Variants in CADM1 observed in about 807,000 individuals in gnomAD.
The protein encoded by CADM1 is TSLC-1.
In CADM1, 15 loss-of-function variants were observed where a neutral mutation model predicts 53.1. The ratio of observed to expected loss-of-function variants is 0.28; its 90% CI spans 0.19 to 0.44. CADM1 has a LOEUF of 0.44. CADM1 is among the 20% of genes least tolerant of loss of function. The probability of loss-of-function intolerance (pLI) is 1.00; values close to 1 mark genes in which losing one functional copy is unlikely to be tolerated. For synonymous variants in CADM1, 281 were observed against 243.0 expected, an observed-to-expected ratio of 1.16 and a Z score of -1.45; for missense variants, 434 against 611.3, an observed-to-expected ratio of 0.71 and a Z score of 3.06.
intron 1 of CADM1, among the ~76,000 whole-genome samples, chr11:115,249,476 T>C (rs1337196355): frequency 1.3e-5 from 2 of 152,270 alleles, no homozygotes; most frequent in African/African-American, 2.4e-5. Flanking sequence ...AAGTCTGGGA[T>C]AATAGGAAGC....
intron 1 of CADM1, among the ~76,000 whole-genome samples, chr11:115,250,809 G>A (rs1188580295): frequency 2.0e-5 from 3 of 152,106 alleles, no homozygotes; most frequent in Non-Finnish European, 4.4e-5. Context: ...CACAGACAAG[G>A]AAGCTAAGAT....
In CADM1 at chr11:115,359,564, A is replaced by G. The variant is rs566000900; in HGVS notation, c.125-119144T>C. ...TCCCACCGTGATTACAGTGACTCCTACATTTTTAATTGGTCATTCAACAAA... is the reference window on the plus strand; with the variant it reads ...TCCCACCGTGATTACAGTGACTCCTGCATTTTTAATTGGTCATTCAACAAA... On this transcript the variant is annotated intron_variant, in intron 1 of 11. Transcript: ENST00000331581. Among the ~76,000 whole-genome samples, 409 of 152,270 alleles carry G rather than the reference A, an allele frequency of 2.7e-3. 2 individuals are homozygous for G. The highest frequency in any genetic ancestry group is 9.5e-3 in the African/African-American group (396 of 41,550).
intron 1 of CADM1, among the ~76,000 whole-genome samples, chr11:115,337,057 TTAA>T (rs950467716): frequency 1.3e-5 from 2 of 152,182 alleles, no homozygotes; most frequent in Admixed American, 1.3e-4. Flanking sequence ...AATTAATTAA[TTAA>T]TGTTTCCACT....
intron 1 of CADM1, among the ~76,000 whole-genome samples, chr11:115,438,713 G>A (rs939442053): frequency 1.4e-5 from 2 of 147,962 alleles, no homozygotes; most frequent in Non-Finnish European, 3.0e-5. Flanking sequence ...ACATAATATG[G>A]TTTGATCAAA....
rs566974068 is a variant in CADM1 at position 115,499,079 on chromosome 11, C to T, written c.124+5192G>A. 3.3e-5 allele frequency among the ~76,000 whole-genome samples: 5 copies of T among 151,920 alleles called. No homozygotes were observed. The South Asian group carries it at 8.3e-4, about 25-fold the overall frequency. ...CAATGTAAAAAAAAAAGTCATCCTT[C>T]GAAAATAAAACTTTTTTTTCTTTAA... On this transcript the variant is annotated intron_variant, in intron 1 of 11. Transcript: ENST00000331581.
chr11:115,447,370 T>A (rs979965566), intron 1 of CADM1, among the ~76,000 whole-genome samples: 1 of 152,134 alleles, frequency 6.6e-6, no homozygotes, highest in African/African-American at 2.4e-5. Flanking sequence ...GGATATATAA[T>A]CCCATTTCAC....
chr11:115,343,406 C>T (rs1945498311), intron 1 of CADM1, among the ~76,000 whole-genome samples: 1 of 152,016 alleles, frequency 6.6e-6, no homozygotes, highest in Admixed American at 6.6e-5. Flanking sequence ...AATAAGAGAA[C>T]TGGAACACAA....
At chr11:115,320,640 C>T (rs1944799011) in intron 1 of CADM1, among the ~76,000 whole-genome samples, 1 of 151,674 alleles carries the variant, frequency 6.6e-6, no homozygotes, top group African/African-American at 2.4e-5. Flanking sequence ...TTTAGACCTA[C>T]AGTTTTATCT....
At chr11:115,248,421 T>C (rs1298926960) in intron 1 of CADM1, among the ~76,000 whole-genome samples, 1 of 152,206 alleles carries the variant, frequency 6.6e-6, no homozygotes, top group African/African-American at 2.4e-5. Flanking sequence ...GTCTGAGCTA[T>C]CTGATCCCAT....
rs970972842 is a variant in CADM1, at chr11:115,198,282, A to G, written c.1111+124T>C. The G allele has an allele frequency of 9.6e-5, 68 of 706,108 alleles. 1 individual carries two copies. The East Asian group carries it at 1.8e-3, about 19-fold the overall frequency. The allele number at this position is 706,108 out of a possible 1,614,324, so 43.7% of individuals were successfully genotyped here. A position where few individuals can be genotyped will look rare whatever the true frequency, so the allele number is the denominator to read the frequency against. On this transcript the variant is annotated intron_variant, in intron 9 of 11. Coordinates refer to ENST00000331581, the MANE Select transcript of CADM1 (RefSeq NM_001301043.2). ...TTTTCAAACCTTAAAAAATTATAGT[A>G]TATTTATGAGGTCAGTCTACTTGAA...
intron 1 of CADM1, among the ~76,000 whole-genome samples, chr11:115,456,452 C>A (rs998364057): frequency 1.3e-5 from 2 of 151,938 alleles, no homozygotes; most frequent in Non-Finnish European, 2.9e-5. Flanking sequence ...GGCTAAAGTA[C>A]AACCTCAATT....
chr11:115,336,474 A>G (rs1410934015), intron 1 of CADM1, among the ~76,000 whole-genome samples: 1 of 152,178 alleles, frequency 6.6e-6, no homozygotes, highest in Non-Finnish European at 1.5e-5. Context: ...ATTTGCAGAA[A>G]AAGAACAAGT....
intron 1 of CADM1, among the ~76,000 whole-genome samples, chr11:115,378,366 TTGAACACCTGA>T (rs1308009298): frequency 6.6e-6 from 1 of 151,910 alleles, no homozygotes; most frequent in Non-Finnish European, 1.5e-5. Context: ...TCATTGGAGG[TTGAACACCTGA>T]TTCTCCTTTG....
intron 11 of CADM1, among the ~76,000 whole-genome samples, chr11:115,178,277 G>A (rs1165536540): frequency 6.6e-6 from 1 of 152,102 alleles, no homozygotes; most frequent in South Asian, 2.1e-4. Flanking sequence ...GTAGGTTGTG[G>A]ATGTGCTTTT....
chr11:115,404,347 ATATATAT>A lies in CADM1; in HGVS notation c.124+99917_124+99923del, dbSNP rs1247071009. Among the ~76,000 whole-genome samples, 104 of 43,510 alleles carry A rather than the reference ATATATAT, an allele frequency of 2.4e-3. 4 individuals carry two copies. Among genetic ancestry groups the A allele is most frequent in the African/African-American group, 0.011 (78 of 7,232 alleles). The allele number at this position is 43,510 out of a possible 152,430, so 28.5% of individuals were successfully genotyped here. A position where few individuals can be genotyped will look rare whatever the true frequency, so the allele number is the denominator to read the frequency against. On this transcript the variant is annotated intron_variant, in intron 1 of 11. Transcript: ENST00000331581. ...TCTCGGAAAAAAAAAAAAAAAAAAA[ATATATAT>A]ATATATATATATATATATATATATA...
chr11:115,249,323 C>T (rs189566141), intron 1 of CADM1, among the ~76,000 whole-genome samples: 117 of 152,250 alleles, frequency 7.7e-4, no homozygotes, highest in Non-Finnish European at 6.3e-4. Flanking sequence ...CACAAAATTC[C>T]ACTGTTGACA....
chr11:115,434,252 C>A (rs1344969323), intron 1 of CADM1, among the ~76,000 whole-genome samples: 1 of 152,186 alleles, frequency 6.6e-6, no homozygotes, highest in East Asian at 1.9e-4. Context: ...GATTAAGACA[C>A]AGGTTGATTA....
Position 115,308,141 on chromosome 11 carries a change from CTGTGTGTG to C in CADM1, c.125-67729_125-67722del, listed in dbSNP as rs199736406. Among the ~76,000 whole-genome samples, 533 of 133,458 alleles carry C rather than the reference CTGTGTGTG, an allele frequency of 4.0e-3. 7 individuals carry two copies. Among genetic ancestry groups the C allele is most frequent in the African/African-American group, 7.1e-3 (248 of 34,906 alleles). 87.6% of individuals were successfully genotyped at this position (133,458 alleles called of 152,430 possible). ...CCTGTAAAAGACACAAACTCTCTCT[CTGTGTGTG>C]TGTGTGTGTGTGTGTGTGTGTGTGT... On this transcript the variant is annotated intron_variant, in intron 1 of 11. Coordinates refer to ENST00000331581, the MANE Select transcript of CADM1 (RefSeq NM_001301043.2).
chr11:115,445,900 C>A (rs999974112), intron 1 of CADM1: 1 of 316,630 alleles, frequency 3.2e-6, no homozygotes, highest in Non-Finnish European at 6.4e-6. Flanking sequence ...TGCTTTAAGA[C>A]AGAAGAATAT....
Sources: gnomAD v4.1 joint callset for allele counts (sites outside exome capture counted in the v4.1 genomes callset) on GRCh38, gnomAD v4.1.1 for gene constraint, MANE v1.5 for transcripts, NCBI Gene and HGNC (gene_info 2026-07-23, HGNC 2026-07-21) for gene names.